ZNF485: variants seen among roughly 807,000 people sequenced by gnomAD.
ZNF485 encodes Zinc finger protein 93 (Zinc finger protein HTF34).
ZNF485 carries 9 observed loss-of-function variants against 10.8 expected under a neutral mutation model. The observed-to-expected ratio is 0.83, with a 90% confidence interval of 0.50 to 1.45. The LOEUF (loss-of-function observed/expected upper bound fraction) is 1.45, where lower values mean the gene tolerates loss of function less well. Among genes scored for constraint, ZNF485 ranks in the 40% most tolerant of loss-of-function variants. The pLI, the probability that ZNF485 is intolerant of heterozygous loss-of-function variation, is 0.00. For missense variants in ZNF485, 487 were observed against 528.0 expected (o/e 0.92, Z 0.76); for synonymous variants, 187 against 181.0 (o/e 1.03, Z -0.27).
Position 43,616,358 on chromosome 10 carries a change from G to A in ZNF485, c.315G>A (p.Leu105=), listed in dbSNP as rs10899839. 0.3 allele frequency: 484,028 copies of A among 1,613,516 alleles called. 76,498 individuals are homozygous for A. Among genetic ancestry groups the A allele is most frequent in the African/African-American group, 0.52 (39,079 of 74,874 alleles). Residue 105 remains leucine, a synonymous_variant, in exon 5 of 5, where the codon CTG becomes CTA. Transcript: ENST00000361807. The part of the protein sequence containing the change: ...LKQSTSEASV[L]GERTKSVMME... Reference sequence around the variant, plus strand: ...AAAGCACTTCTGAAGCATCTGTTCTGGGAGAGCGAACGAAAAGTGTCATGA... The same window carrying A: ...AAAGCACTTCTGAAGCATCTGTTCTAGGAGAGCGAACGAAAAGTGTCATGA...
Position 43,616,643 on chromosome 10 carries a change from G to C in ZNF485, c.600G>C (p.Thr200=), listed in dbSNP as rs756726686. The C allele has an allele frequency of 3.3e-5, 54 of 1,614,018 alleles. No homozygotes were observed. The Admixed American group carries it at 8.8e-4, about 26-fold the overall frequency. ...GGAAGTTCCTGAAGAAGCACTCAAC[G>C]TTTATCAACCATCAGAGAATTCATT... ...ECGKFLKKHS[T]FINHQRIHSR... The change falls in exon 5 of 5, where the codon ACG becomes ACC. Residue 200 remains threonine, a synonymous_variant. Coordinates refer to ENST00000361807, the MANE Select transcript of ZNF485 (RefSeq NM_145312.4).
chr10:43,607,427 C>G (rs1838674866), intron 2 of ZNF485: 2 of 325,250 alleles, frequency 6.1e-6, no homozygotes, highest in Non-Finnish European at 1.1e-5. Flanking sequence ...GTAGTGGGCG[C>G]CTTAGTTCTT....
chr10:43,609,388 C>T, intron 4 of ZNF485, 38 bp downstream of exon 4: 2 of 1,548,132 alleles, frequency 1.3e-6, no homozygotes, highest in Non-Finnish European at 1.8e-6. Flanking sequence ...AAGCTGAGCA[C>T]ACGGAGCAGT....
At chr10:43,612,985 A>C (rs1838794118) in intron 4 of ZNF485, among the ~76,000 whole-genome samples, 2 of 152,182 alleles carry the variant, frequency 1.3e-5, no homozygotes, top group Non-Finnish European at 2.9e-5. Flanking sequence ...AGTTATATTC[A>C]GTAGGTTACA....
chr10:43,616,371 A>G lies in ZNF485; in HGVS notation c.328A>G (p.Lys110Glu), dbSNP rs1454584480. ...SEASVLGERT[K>E]SVMMEKGLDW... is the part of the protein sequence containing the mutation. Reference sequence around the variant, plus strand: ...AGCATCTGTTCTGGGAGAGCGAACGAAAAGTGTCATGATGGAAAAAGGCCT... The same window carrying G: ...AGCATCTGTTCTGGGAGAGCGAACGGAAAGTGTCATGATGGAAAAAGGCCT... Residue 110 changes from lysine (K) to glutamate (E), a missense_variant, in exon 5 of 5, where the codon AAA becomes GAA. Physicochemically the swap from Lys to Glu is moderately conservative, Grantham distance 56. Coordinates refer to ENST00000361807, the MANE Select transcript of ZNF485 (RefSeq NM_145312.4). 6.2e-7 allele frequency: 1 copy of G among 1,613,932 alleles called. No individual in the cohort carries two copies. The highest frequency in any genetic ancestry group is 2.2e-5 in the East Asian group (1 of 44,896).
At chr10:43,616,066 T>G (rs1284034399) in intron 4 of ZNF485, among the ~76,000 whole-genome samples, 1 of 152,230 alleles carries the variant, frequency 6.6e-6, no homozygotes, top group East Asian at 1.9e-4. Flanking sequence ...ATTCTTTAAA[T>G]GCAATGTTTA....
chr10:43,616,446 T>C lies in ZNF485; in HGVS notation c.403T>C (p.Cys135Arg). ...AGAGAAGAACTATAAGTGCAAGGAA[T>C]GTGGGAAAGTCTTCAAATACAATTC... is the stretch of plus-strand genomic sequence containing the variant. ...STEKNYKCKE[C>R]GKVFKYNSSF... is the part of the protein sequence containing the mutation. The change falls in exon 5 of 5, where the codon TGT becomes CGT. Residue 135 changes from cysteine to arginine, a missense_variant. Cys to Arg is a radical substitution (Grantham distance 180). Coordinates refer to ENST00000361807, the MANE Select transcript of ZNF485 (RefSeq NM_145312.4). 1.2e-6 allele frequency: 2 copies of C among 1,614,052 alleles called. No homozygotes were observed. Among genetic ancestry groups the C allele is most frequent in the South Asian group, 1.1e-5 (1 of 91,060 alleles).
intron 4 of ZNF485, among the ~76,000 whole-genome samples, chr10:43,611,267 T>C (rs994710424): frequency 1.3e-5 from 2 of 152,082 alleles, no homozygotes; most frequent in East Asian, 3.8e-4. Flanking sequence ...GAGATCTCGC[T>C]ATTTTGCCCA....
Position 43,617,546 on chromosome 10 carries a change from G to A in ZNF485, c.*177G>A, listed in dbSNP as rs1207617212. On this transcript the variant is annotated 3_prime_UTR_variant, in exon 5 of 5. Transcript: ENST00000361807. The stretch of plus-strand genomic sequence containing the variant: ...GAAGAAACTAAATGTATGTCAGTAT[G>A]GAAGTAGTTATAGCATACTGTGTGC... The A allele has an allele frequency of 3.6e-6, 2 of 554,138 alleles. No individual in the cohort carries two copies. The highest frequency in any genetic ancestry group is 5.7e-5 in the East Asian group (2 of 35,256). The allele number at this position is 554,138 out of a possible 1,614,324, so 34.3% of individuals were successfully genotyped here.
intron 4 of ZNF485, among the ~76,000 whole-genome samples, chr10:43,611,039 CTT>C (rs932160193): frequency 1.3e-5 from 2 of 151,478 alleles, no homozygotes; most frequent in African/African-American, 4.8e-5. Flanking sequence ...TCCTCTCTCT[CTT>C]TCTTTCTTTC....
intron 4 of ZNF485, among the ~76,000 whole-genome samples, chr10:43,615,150 CT>C (rs1246863544): frequency 6.6e-6 from 1 of 152,094 alleles, no homozygotes; most frequent in South Asian, 2.1e-4. Context: ...CCCCAGACTA[CT>C]AAGTATAAAT....
At chr10:43,608,565 G>T in intron 2 of ZNF485, 49 bp from the exon 3 acceptor site, 1 of 1,564,484 alleles carries the variant, frequency 6.4e-7, no homozygotes. Flanking sequence ...CTCTTGGGAT[G>T]CCTCCCTCAG....
intron 2 of ZNF485, 51 bp downstream of exon 2, chr10:43,607,125 G>A: frequency 6.5e-7 from 1 of 1,548,934 alleles, no homozygotes; most frequent in Non-Finnish European, 8.7e-7. Context: ...CAGCGAGGTG[G>A]GGTTTATGCC....
At chr10:43,608,583 C>T (rs778186176) in intron 2 of ZNF485, 31 bp from the exon 3 acceptor site, 10 of 1,589,486 alleles carry the variant, frequency 6.3e-6, no homozygotes, top group African/African-American at 1.3e-5. Context: ...CAGGGGTTCC[C>T]GGATGAGCAG....
In ZNF485 at chr10:43,609,294, A is replaced by C; in HGVS notation, c.191A>C (p.Glu64Ala). 1 of 1,613,972 alleles carries C rather than the reference A, an allele frequency of 6.2e-7. No individual in the cohort carries two copies. The highest frequency in any genetic ancestry group is 1.1e-5 in the South Asian group (1 of 91,062). The part of the protein sequence containing the change: ...SSKPKLITQL[E>A]QGAEPWTEVR... ...AAACCAAAACTAATTACTCAGTTGGAGCAAGGGGCAGAGCCCTGGACTGAG... is the reference window on the plus strand; with the variant it reads ...AAACCAAAACTAATTACTCAGTTGGCGCAAGGGGCAGAGCCCTGGACTGAG... Residue 64 changes from glutamate to alanine, a missense_variant, in exon 4 of 5, where the codon GAG (glutamate) becomes GCG (alanine). By Grantham distance (107) the Glu-to-Ala change is moderately radical. Coordinates refer to ENST00000361807, the MANE Select transcript of ZNF485 (RefSeq NM_145312.4).
chr10:43,617,390 AGTT>A lies in ZNF485; in HGVS notation c.*22_*24del, dbSNP rs1838887231. On this transcript the variant is annotated 3_prime_UTR_variant, in exon 5 of 5. Transcript: ENST00000361807. ...GTTAGTGTGGCAAATTGTGCAGAGT[AGTT>A]TATTCCTTCTGACCATCATAGAGGA... The A allele has an allele frequency of 3.4e-6, 5 of 1,486,088 alleles. No individual in the cohort carries two copies. Among genetic ancestry groups the A allele is most frequent in the Non-Finnish European group, 4.5e-6 (5 of 1,107,520 alleles). The allele number at this position is 1,486,088 out of a possible 1,614,324, so 92.1% of individuals were successfully genotyped here. A position where few individuals can be genotyped will look rare whatever the true frequency, so the allele number is the denominator to read the frequency against.
intron 4 of ZNF485, among the ~76,000 whole-genome samples, chr10:43,615,242 A>C (rs888397431): frequency 1.3e-5 from 2 of 152,302 alleles, no homozygotes; most frequent in African/African-American, 4.8e-5. Context: ...GCATTTAGTA[A>C]AATAATTGGT....
intron 4 of ZNF485, 72 bp downstream of exon 4, chr10:43,609,422 C>G: frequency 1.7e-6 from 2 of 1,187,518 alleles, no homozygotes; most frequent in Non-Finnish European, 2.5e-6. Context: ...AGTGGAAGCT[C>G]ATCTTTGAGT....
Position 43,607,034 on chromosome 10 carries a change from A to C in ZNF485, c.-17A>C. The C allele has an allele frequency of 6.4e-7, 1 of 1,551,760 alleles. No individual in the cohort carries two copies. On this transcript the variant is annotated 5_prime_UTR_variant, in exon 2 of 5. Coordinates refer to ENST00000361807, the MANE Select transcript of ZNF485 (RefSeq NM_145312.4). ...AGGATTCTCAGCCCTTGCCTGGGAG[A>C]ACAGTTCAGGAGACAGATGGCCCCA... is the stretch of plus-strand genomic sequence containing the variant.
Sources: gnomAD v4.1 joint callset for allele counts (sites outside exome capture counted in the v4.1 genomes callset) on GRCh38, gnomAD v4.1.1 for gene constraint, MANE v1.5 for transcripts, NCBI Gene and HGNC (gene_info 2026-07-23, HGNC 2026-07-21) for gene names.